The following ADGRL3 variants were observed in gnomAD, a reference collection of about 807,000 sequenced individuals.
ADGRL3 encodes adhesion G protein-coupled receptor L3, also known as calcium-independent alpha-latrotoxin receptor 3.
ADGRL3 carries 62 observed loss-of-function variants against 153.5 expected under a neutral mutation model. That is an observed-to-expected ratio of 0.40 (90% CI 0.33 to 0.50). The LOEUF (loss-of-function observed/expected upper bound fraction) is 0.50. ADGRL3 is among the 20% of genes least tolerant of loss of function. The probability of loss-of-function intolerance (pLI) is 0.47; values close to 1 mark genes in which losing one functional copy is unlikely to be tolerated. For synonymous variants in ADGRL3, 710 were observed against 672.5 expected, an observed-to-expected ratio of 1.06 and a Z score of -0.86; for missense variants, 1,641 against 1,859.4, an observed-to-expected ratio of 0.88 and a Z score of 2.16.
At chr4:61,620,420 T>C (rs1314323199) in intron 5 of ADGRL3, among the ~76,000 whole-genome samples, 1 of 152,106 alleles carries the variant, frequency 6.6e-6, no homozygotes, top group African/African-American at 2.4e-5. Context: ...AAGGGAGTTA[T>C]GGTACCAATG....
At chr4:61,501,335 T>C (rs2098384526) in intron 3 of ADGRL3, among the ~76,000 whole-genome samples, 1 of 152,198 alleles carries the variant, frequency 6.6e-6, no homozygotes, top group Non-Finnish European at 1.5e-5. Flanking sequence ...TGCAGAGCTA[T>C]TTTAAGAAAT....
intron 5 of ADGRL3, among the ~76,000 whole-genome samples, chr4:61,644,518 T>C (rs2093863938): frequency 2.0e-5 from 3 of 152,212 alleles, no homozygotes; most frequent in Non-Finnish European, 4.4e-5. Flanking sequence ...AGAACATCTT[T>C]ATTTCTGCCT....
chr4:61,725,583 A>G (rs2096316345), intron 6 of ADGRL3, among the ~76,000 whole-genome samples: 1 of 147,372 alleles, frequency 6.8e-6, no homozygotes, highest in Admixed American at 7.0e-5. Flanking sequence ...CAACAGAGCG[A>G]GACTTCATCT....
At chr4:61,732,250 C>T (rs1050034627) in intron 7 of ADGRL3, among the ~76,000 whole-genome samples, 2 of 151,956 alleles carry the variant, frequency 1.3e-5, no homozygotes, top group African/African-American at 2.4e-5. Flanking sequence ...GATTCAGTGG[C>T]CTGTATTACA....
At chr4:61,331,578 G>C (rs556574988) in intron 1 of ADGRL3, among the ~76,000 whole-genome samples, 1 of 151,948 alleles carries the variant, frequency 6.6e-6, no homozygotes, top group African/African-American at 2.4e-5. Flanking sequence ...TTGATACTTT[G>C]TCTGTCATTG....
intron 25 of ADGRL3, among the ~76,000 whole-genome samples, chr4:62,067,260 G>T (rs1401760589): frequency 6.6e-6 from 1 of 151,898 alleles, no homozygotes; most frequent in Non-Finnish European, 1.5e-5. Flanking sequence ...TGAATTTGCT[G>T]GTTTTTATTT....
chr4:61,352,318 A>AT (rs2096066653), intron 1 of ADGRL3, among the ~76,000 whole-genome samples: 1 of 152,158 alleles, frequency 6.6e-6, no homozygotes, highest in Non-Finnish European at 1.5e-5. Flanking sequence ...GCAATAAACT[A>AT]TTTTTAAATT....
intron 2 of ADGRL3, among the ~76,000 whole-genome samples, chr4:61,480,565 C>T (rs1426942724): frequency 6.6e-6 from 1 of 151,702 alleles, no homozygotes; most frequent in Non-Finnish European, 1.5e-5. Flanking sequence ...GCAGGCAGAT[C>T]ACCTGAGGTC....
chr4:61,469,903 T>C (rs2152676499), intron 2 of ADGRL3, among the ~76,000 whole-genome samples: 1 of 151,928 alleles, frequency 6.6e-6, no homozygotes, highest in African/African-American at 2.4e-5. Context: ...TAATAATTAA[T>C]TTTATTATAT....
intron 5 of ADGRL3, among the ~76,000 whole-genome samples, chr4:61,621,262 G>A (rs1162603153): frequency 1.3e-5 from 2 of 151,872 alleles, no homozygotes; most frequent in Non-Finnish European, 2.9e-5. Flanking sequence ...TAACATTGAT[G>A]GATTGAGGCC....
At position 61,418,787 on chromosome 4, in the gene ADGRL3, T is replaced by C. The variant is rs11946870; in HGVS notation, c.-174+35598T>C. 8.8e-3 allele frequency among the ~76,000 whole-genome samples: 1,327 copies of C among 150,768 alleles called. 99 individuals are homozygous for C. The highest frequency in any genetic ancestry group is 0.031 in the African/African-American group (1,247 of 40,602). Reference sequence around the variant, plus strand: ...GTGGCATGGTACTTAATATTATTAATTGTGTTAAATGTTCATGCTTCCATG... The same window carrying C: ...GTGGCATGGTACTTAATATTATTAACTGTGTTAAATGTTCATGCTTCCATG... On this transcript the variant is annotated intron_variant, in intron 2 of 26. Coordinates refer to ENST00000683033, the MANE Select transcript of ADGRL3 (RefSeq NM_001387552.1).
chr4:61,827,969 G>T (rs970783105), intron 9 of ADGRL3, among the ~76,000 whole-genome samples: 7 of 152,244 alleles, frequency 4.6e-5, no homozygotes, highest in African/African-American at 1.4e-4. Flanking sequence ...TGGCCCTTTG[G>T]TCACCGGGTG....
intron 1 of ADGRL3, among the ~76,000 whole-genome samples, chr4:61,264,103 T>C (rs2092707568): frequency 6.6e-6 from 1 of 151,968 alleles, no homozygotes; most frequent in Non-Finnish European, 1.5e-5. Flanking sequence ...TAAATAATTG[T>C]GGTTGGTTTC....
Position 61,492,021 on chromosome 4 carries a change from A to AAACG in ADGRL3, c.-173-5097_-173-5096insGAAC, listed in dbSNP as rs1171486973. ...ATTTCCCTCTATGGAACAATGAAAA[A>AAACG]AACAAACAAACAAACAAACAAACAA... is the stretch of plus-strand genomic sequence containing the variant. On this transcript the variant is annotated intron_variant, in intron 2 of 26. Coordinates refer to ENST00000683033, the MANE Select transcript of ADGRL3 (RefSeq NM_001387552.1). 2.0e-3 allele frequency among the ~76,000 whole-genome samples: 4 copies of AAACG among 1,992 alleles called. No homozygotes were observed. The East Asian group carries it at 0.5, about 249-fold the overall frequency. 1.3% of individuals were successfully genotyped at this position (1,992 alleles called of 152,430 possible).
At chr4:61,225,499 TG>T (rs1747531834) in intron 1 of ADGRL3, among the ~76,000 whole-genome samples, 1 of 152,194 alleles carries the variant, frequency 6.6e-6, no homozygotes, top group Admixed American at 6.5e-5. Context: ...AGTGCTGTCC[TG>T]GGGTATAAAC....
At chr4:61,425,791 G>A (rs2097271404) in intron 2 of ADGRL3, among the ~76,000 whole-genome samples, 1 of 152,222 alleles carries the variant, frequency 6.6e-6, no homozygotes, top group South Asian at 2.1e-4. Flanking sequence ...TACCCAAGGA[G>A]TGACATGTAA....
chr4:61,608,804 G>T (rs992330919), intron 5 of ADGRL3, among the ~76,000 whole-genome samples: 5 of 152,120 alleles, frequency 3.3e-5, no homozygotes, highest in African/African-American at 1.2e-4. Context: ...ACAGCATAGA[G>T]ATATGACTTA....
At chr4:61,262,900 C>T (rs1221766496) in intron 1 of ADGRL3, among the ~76,000 whole-genome samples, 2 of 152,056 alleles carry the variant, frequency 1.3e-5, no homozygotes, top group Admixed American at 1.3e-4. Context: ...AAGGATATAT[C>T]TTTAAAAATG....
chr4:61,308,590 A>G (rs1314615388), intron 1 of ADGRL3, among the ~76,000 whole-genome samples: 2 of 152,188 alleles, frequency 1.3e-5, no homozygotes, highest in Non-Finnish European at 2.9e-5. Context: ...TCTGAAATTC[A>G]CAATAAAATA....
Sources: gnomAD v4.1 joint callset for allele counts (sites outside exome capture counted in the v4.1 genomes callset) on GRCh38, gnomAD v4.1.1 for gene constraint, MANE v1.5 for transcripts, NCBI Gene and HGNC (gene_info 2026-07-23, HGNC 2026-07-21) for gene names.